Variants in NAV2 observed in about 807,000 individuals in gnomAD.
The protein encoded by NAV2 is neuron navigator 2.
A neutral mutation model predicts 223.2 loss-of-function variants in NAV2; 54 were observed. The observed-to-expected ratio is 0.24, with a 90% CI of 0.19 to 0.30. The LOEUF (loss-of-function observed/expected upper bound fraction) is 0.30, where lower values mean the gene tolerates loss of function less well. Among genes scored for constraint, NAV2 ranks in the 10% least tolerant of loss-of-function variants. The pLI, the probability that NAV2 is intolerant of heterozygous loss-of-function variation, is 1.00. For synonymous variants in NAV2, 1,279 were observed against 1,239.3 expected, an observed-to-expected ratio of 1.03 and a Z score of -0.67; for missense variants, 2,806 against 3,147.5, an observed-to-expected ratio of 0.89 and a Z score of 2.60.
At position 19,721,667 on chromosome 11, in the gene NAV2, G is replaced by A. The variant is rs921698039; in HGVS notation, c.267+7705G>A. Among the ~76,000 whole-genome samples the A allele has an allele frequency of 5.3e-5, 8 of 152,318 alleles. No homozygotes were observed. The East Asian group carries it at 1.3e-3, about 26-fold the overall frequency. On this transcript the variant is annotated intron_variant, in intron 1 of 37. Transcript: ENST00000349880. ...GATGAGAGATTCTTGAGTAGCTCCTGGATGAGGAAAACCATAAATGCTACA... is the reference window on the plus strand; with the variant it reads ...GATGAGAGATTCTTGAGTAGCTCCTAGATGAGGAAAACCATAAATGCTACA...
chr11:20,107,617 C>G, intron 35 of NAV2, 47 bp from the exon 36 acceptor site: 1 of 1,443,632 alleles, frequency 6.9e-7, no homozygotes, highest in Non-Finnish European at 9.7e-7. Context: ...GATGCCCCAT[C>G]ACCCATGCCC....
chr11:19,555,354 G>A (rs187230945), intron 1 of NAV2, among the ~76,000 whole-genome samples: 1 of 152,206 alleles, frequency 6.6e-6, no homozygotes, highest in Non-Finnish European at 1.5e-5. Flanking sequence ...ATCAGGCAAG[G>A]TCTATCACCT....
intron 1 of NAV2, among the ~76,000 whole-genome samples, chr11:19,458,688 C>A (rs1038225481): frequency 6.6e-6 from 1 of 152,206 alleles, no homozygotes; most frequent in Non-Finnish European, 1.5e-5. Context: ...AGGATTTGAA[C>A]CCAAAAAGCC....
chr11:20,117,163 T>A (rs2063177991), intron 37 of NAV2, among the ~76,000 whole-genome samples: 1 of 152,190 alleles, frequency 6.6e-6, no homozygotes, highest in South Asian at 2.1e-4. Flanking sequence ...TTACTTCCTA[T>A]ATGAAATATA....
intron 28 of NAV2, among the ~76,000 whole-genome samples, chr11:20,092,691 G>T (rs2060936047): frequency 6.6e-6 from 1 of 152,144 alleles, no homozygotes; most frequent in Non-Finnish European, 1.5e-5. Context: ...CATAGTAGCA[G>T]GTCTCAGTTG....
chr11:19,619,055 A>G (rs530435089), intron 1 of NAV2, among the ~76,000 whole-genome samples: 9 of 147,252 alleles, frequency 6.1e-5, no homozygotes, highest in South Asian at 4.5e-4. Flanking sequence ...GATGGTTTCA[A>G]TCTTCATCCA....
intron 11 of NAV2, chr11:20,022,579 C>A (rs1284474247): frequency 1.0e-6 from 1 of 985,704 alleles, no homozygotes; most frequent in Middle Eastern, 5.2e-4. Context: ...GAATGCTTTG[C>A]CTTCAGACGT....
chr11:19,417,399 C>G (rs1371947998), intron 1 of NAV2, among the ~76,000 whole-genome samples: 1 of 152,122 alleles, frequency 6.6e-6, no homozygotes, highest in Non-Finnish European at 1.5e-5. Context: ...AATGAGATAC[C>G]ATCCCATGCC....
At position 19,385,753 on chromosome 11, in the gene NAV2, CTTTTTTTTTTTTTTTTT is replaced by C. The variant is rs201669772; in HGVS notation, c.75+34736_75+34752del. 2.1e-4 allele frequency among the ~76,000 whole-genome samples: 24 copies of C among 112,768 alleles called. No individual in the cohort carries two copies. The South Asian group carries it at 5.0e-3, about 24-fold the overall frequency. The allele number at this position is 112,768 out of a possible 152,430, so 74.0% of individuals were successfully genotyped here. A position where few individuals can be genotyped will look rare whatever the true frequency, so the allele number is the denominator to read the frequency against. On this transcript the variant is annotated intron_variant, in intron 1 of 37. Transcript: ENST00000360655. ...CTCAACTGCTTTTTCAATATAGCTC[CTTTTTTTTTTTTTTTTT>C]TTTTTTTTTGAGACAGAGTCTCGCT...
At chr11:20,004,659 G>T (rs1374837378) in intron 11 of NAV2, among the ~76,000 whole-genome samples, 1 of 152,300 alleles carries the variant, frequency 6.6e-6, no homozygotes, top group Non-Finnish European at 1.5e-5. Context: ...ACTTAAGGGG[G>T]TGCTGAAAGA....
At chr11:19,454,402 A>G (rs1042225350) in intron 1 of NAV2, among the ~76,000 whole-genome samples, 1 of 152,188 alleles carries the variant, frequency 6.6e-6, no homozygotes, top group African/African-American at 2.4e-5. Flanking sequence ...TGTGGCTTCT[A>G]TTGAAGGAGA....
intron 6 of NAV2, among the ~76,000 whole-genome samples, chr11:19,895,290 C>A (rs1407688356): frequency 6.6e-6 from 1 of 151,836 alleles, no homozygotes; most frequent in Non-Finnish European, 1.5e-5. Context: ...TGGTCTCTAA[C>A]TCCACTACAG....
intron 11 of NAV2, among the ~76,000 whole-genome samples, chr11:20,009,462 C>T (rs1312516535): frequency 1.3e-5 from 2 of 152,192 alleles, no homozygotes; most frequent in Non-Finnish European, 2.9e-5. Flanking sequence ...TGATTTACAG[C>T]TTTCCATGGG....
At chr11:19,891,238 A>G (rs79221443) in intron 5 of NAV2, among the ~76,000 whole-genome samples, 1,589 of 152,326 alleles carry the variant, frequency 0.01, 27 homozygotes, top group African/African-American at 0.036. Context: ...CAGACTTGTC[A>G]CTAGATCTAA....
intron 1 of NAV2, among the ~76,000 whole-genome samples, chr11:19,615,564 G>A (rs1191000551): frequency 6.6e-6 from 1 of 151,874 alleles, no homozygotes; most frequent in East Asian, 1.9e-4. Flanking sequence ...AATAATAAAT[G>A]CAAAACAGTG....
intron 6 of NAV2, chr11:19,931,704 A>G (rs1388256979): frequency 6.6e-6 from 1 of 152,136 alleles, no homozygotes; most frequent in Non-Finnish European, 1.5e-5. Flanking sequence ...GTTTAACCGA[A>G]AACACTTGTG....
At position 20,073,861 on chromosome 11, in the gene NAV2, T is replaced by G. The variant is rs562667690; in HGVS notation, c.4984-3691T>G. ...TATTAGTCTGGCTAGCAGTCTATTTTGTTGATCTTTTCAAAAAACGACCTC... is the reference window on the plus strand; with the variant it reads ...TATTAGTCTGGCTAGCAGTCTATTTGGTTGATCTTTTCAAAAAACGACCTC... On this transcript the variant is annotated intron_variant, in intron 22 of 37. Transcript: ENST00000349880. 7.4e-4 allele frequency among the ~76,000 whole-genome samples: 113 copies of G among 152,246 alleles called. 2 individuals are homozygous for G. In the South Asian group the frequency reaches 0.022, roughly 30 times the overall value.
At chr11:19,934,414 A>G (rs1339803987) in intron 7 of NAV2, 137 bp downstream of exon 7, 4 of 1,030,554 alleles carry the variant, frequency 3.9e-6, no homozygotes, top group Non-Finnish European at 5.3e-6. Context: ...CCACGTGATG[A>G]ACTCCTAAGA....
chr11:20,073,924 C>G (rs1173297024), intron 22 of NAV2, among the ~76,000 whole-genome samples: 1 of 152,082 alleles, frequency 6.6e-6, no homozygotes, highest in Non-Finnish European at 1.5e-5. Context: ...TTTTGTGTCT[C>G]TATCTCCTTC....
Sources: gnomAD v4.1 joint callset for allele counts (sites outside exome capture counted in the v4.1 genomes callset) on GRCh38, gnomAD v4.1.1 for gene constraint, MANE v1.5 for transcripts, NCBI Gene and HGNC (gene_info 2026-07-23, HGNC 2026-07-21) for gene names.